BZW2: variants seen among roughly 807,000 people sequenced by gnomAD.
The protein encoded by BZW2 is basic leucine zipper and W2 domains 2.
In BZW2, 23 loss-of-function variants were observed where a neutral mutation model predicts 53.2. The ratio of observed to expected loss-of-function variants is 0.43; its 90% CI spans 0.31 to 0.61. BZW2 has a LOEUF of 0.61. Among genes scored for constraint, BZW2 ranks in the 20% least tolerant of loss-of-function variants. The pLI is 0.09. For missense variants in BZW2, 409 were observed against 503.1 expected, an observed-to-expected ratio of 0.81 and a Z score of 1.79; for synonymous variants, 227 against 186.4, an observed-to-expected ratio of 1.22 and a Z score of -1.77.
intron 1 of BZW2, among the ~76,000 whole-genome samples, chr7:16,652,900 T>A (rs1334535568): frequency 6.6e-6 from 1 of 152,210 alleles, no homozygotes; most frequent in Non-Finnish European, 1.5e-5. Flanking sequence ...TTAATTCAAT[T>A]TTGTATGGTC....
intron 7 of BZW2, among the ~76,000 whole-genome samples, chr7:16,691,274 T>A (rs1783295795): frequency 6.6e-6 from 1 of 152,210 alleles, no homozygotes; most frequent in South Asian, 2.1e-4. Context: ...AAAAGTTGCC[T>A]GCCCTCGTGA....
intron 1 of BZW2, among the ~76,000 whole-genome samples, chr7:16,649,620 G>C (rs954045942): frequency 1.3e-5 from 2 of 152,106 alleles, no homozygotes; most frequent in Non-Finnish European, 2.9e-5. Flanking sequence ...TCAGGGTACT[G>C]TTTGTCTTGA....
At chr7:16,692,476 G>T (rs1050207311) in intron 7 of BZW2, among the ~76,000 whole-genome samples, 3 of 152,010 alleles carry the variant, frequency 2.0e-5, no homozygotes, top group Non-Finnish European at 4.4e-5. Flanking sequence ...TAAAAATTAA[G>T]TAGGGGCCAG....
intron 1 of BZW2, among the ~76,000 whole-genome samples, chr7:16,652,739 G>A (rs956795447): frequency 6.6e-6 from 1 of 152,056 alleles, no homozygotes; most frequent in African/African-American, 2.4e-5. Flanking sequence ...TGGCCAGGCT[G>A]GTTTCGAACA....
intron 1 of BZW2, among the ~76,000 whole-genome samples, chr7:16,658,218 C>T (rs1034847308): frequency 6.6e-6 from 1 of 151,940 alleles, no homozygotes. Flanking sequence ...TAACTAGAGA[C>T]CAGGAAGTGA....
At position 16,646,182 on chromosome 7, in the gene BZW2, C is replaced by G. The variant is rs138675668; in HGVS notation, c.-114C>G. 294 of 320,570 alleles carry G rather than the reference C, an allele frequency of 9.2e-4. No homozygotes were observed. The East Asian group carries it at 0.019, about 21-fold the overall frequency. 19.9% of individuals were successfully genotyped at this position (320,570 alleles called of 1,614,324 possible). A position where few individuals can be genotyped will look rare whatever the true frequency, so the allele number is the denominator to read the frequency against. ...TCTATGTCAATGTGTCTGTCCTTCA[C>G]TCCTCCATTGTCTGCCGCCACTGCT... On this transcript the variant is annotated 5_prime_UTR_variant, in exon 1 of 12. Coordinates refer to ENST00000258761, the MANE Select transcript of BZW2 (RefSeq NM_014038.3).
At chr7:16,684,850 A>T (rs983816120) in intron 5 of BZW2, among the ~76,000 whole-genome samples, 2 of 152,236 alleles carry the variant, frequency 1.3e-5, no homozygotes, top group Non-Finnish European at 2.9e-5. Context: ...CACATAATGT[A>T]AATAGTCTAT....
chr7:16,656,555 GCACACACACA>G (rs376412401), intron 1 of BZW2, among the ~76,000 whole-genome samples: 62 of 141,300 alleles, frequency 4.4e-4, no homozygotes, highest in South Asian at 3.4e-3. Context: ...GCGCGCGCGC[GCACACACACA>G]CACACACACA....
At chr7:16,651,989 T>C (rs1781992562) in intron 1 of BZW2, among the ~76,000 whole-genome samples, 1 of 152,192 alleles carries the variant, frequency 6.6e-6, no homozygotes, top group Non-Finnish European at 1.5e-5. Context: ...GCAACAGCTT[T>C]AGTTGGCTCC....
Position 16,694,965 on chromosome 7 carries a change from G to A in BZW2, c.783G>A (p.Glu261=), listed in dbSNP as rs2128367569. The part of the protein sequence containing the change: ...SLGTRKELQK[E]LQERLSQECP... The stretch of plus-strand genomic sequence containing the variant: ...GCACCAGGAAGGAACTGCAGAAGGA[G>A]CTCCAGGAGCGTCTTTCTCAGGAAT... Residue 261 remains glutamate (E), a synonymous_variant, in exon 8 of 12, where the codon GAG becomes GAA. Transcript: ENST00000258761. 2 of 1,592,458 alleles carry A rather than the reference G, an allele frequency of 1.3e-6. No individual in the cohort carries two copies.
chr7:16,697,983 TC>T, intron 9 of BZW2, 64 bp from the exon 10 acceptor site: 1 of 1,586,840 alleles, frequency 6.3e-7, no homozygotes, highest in Non-Finnish European at 8.6e-7. Context: ...CTGTTATAGT[TC>T]CAGCAGTGTC....
intron 2 of BZW2, among the ~76,000 whole-genome samples, chr7:16,668,835 AT>A (rs1431365212): frequency 6.6e-6 from 1 of 152,228 alleles, no homozygotes; most frequent in African/African-American, 2.4e-5. Context: ...CTCTAATCAG[AT>A]TCTCTTTTCC....
At chr7:16,662,641 G>A (rs1782300587) in intron 1 of BZW2, among the ~76,000 whole-genome samples, 3 of 152,066 alleles carry the variant, frequency 2.0e-5, no homozygotes, top group Admixed American at 6.6e-5. Context: ...TTTTAGCCTG[G>A]CACAGTGGTG....
intron 10 of BZW2, among the ~76,000 whole-genome samples, chr7:16,702,791 C>A (rs1465778745): frequency 2.0e-5 from 3 of 152,100 alleles, no homozygotes; most frequent in Non-Finnish European, 4.4e-5. Flanking sequence ...ATGTTTGTCA[C>A]AGTTTAAAAT....
intron 1 of BZW2, among the ~76,000 whole-genome samples, chr7:16,662,447 T>C (rs909597377): frequency 2.1e-4 from 32 of 152,076 alleles, no homozygotes; most frequent in African/African-American, 7.5e-4. Context: ...AGCTAAACAT[T>C]TGAAAATAGA....
chr7:16,700,071 A>G (rs1002267233), intron 10 of BZW2, among the ~76,000 whole-genome samples: 2 of 152,218 alleles, frequency 1.3e-5, no homozygotes, highest in African/African-American at 4.8e-5. Flanking sequence ...GTGAGTGTCA[A>G]CATCAATTTT....
At chr7:16,661,559 A>G (rs994391407) in intron 1 of BZW2, among the ~76,000 whole-genome samples, 1 of 152,176 alleles carries the variant, frequency 6.6e-6, no homozygotes, top group Non-Finnish European at 1.5e-5. Context: ...AAACCTTTCA[A>G]TTTACACTTA....
intron 1 of BZW2, among the ~76,000 whole-genome samples, chr7:16,657,508 T>C (rs1782151610): frequency 6.6e-6 from 1 of 152,238 alleles, no homozygotes; most frequent in Admixed American, 6.5e-5. Context: ...AGCTTCTTTT[T>C]CTGCTCTCTT....
chr7:16,669,564 T>A (rs900228511), intron 2 of BZW2, among the ~76,000 whole-genome samples: 2 of 152,206 alleles, frequency 1.3e-5, no homozygotes, highest in Admixed American at 1.3e-4. Flanking sequence ...ACATTTGATT[T>A]TACAGGAAAA....
Sources: allele counts gnomAD v4.1 joint callset (sites outside exome capture counted in the v4.1 genomes callset), GRCh38; gene constraint gnomAD v4.1.1; transcripts MANE v1.5; gene names NCBI Gene and HGNC (gene_info 2026-07-23, HGNC 2026-07-21).